The following PTPRN2 variants were observed in gnomAD, a reference collection of about 807,000 sequenced individuals.
The protein encoded by PTPRN2 is receptor-type tyrosine-protein phosphatase N2.
Under a neutral mutation model 118.8 loss-of-function variants are expected in PTPRN2, and 74 were observed. That is an observed-to-expected ratio of 0.62 (90% CI 0.52 to 0.76). PTPRN2 has a LOEUF of 0.76. Ranked by LOEUF, PTPRN2 falls within the 30% of genes least tolerant of loss-of-function variation. PTPRN2 has a pLI of 0.00. For synonymous variants in PTPRN2, 641 were observed against 608.0 expected (o/e 1.05, Z -0.80); for missense variants, 1,481 against 1,394.4 (o/e 1.06, Z -0.99).
intron 2 of PTPRN2, among the ~76,000 whole-genome samples, chr7:158,396,276 A>G (rs1173248704): frequency 1.3e-5 from 2 of 152,220 alleles, no homozygotes; most frequent in Admixed American, 1.3e-4. Flanking sequence ...GTTTAAAACA[A>G]TAAAAGTGTA....
At chr7:157,840,736 C>T (rs145494706) in intron 12 of PTPRN2, among the ~76,000 whole-genome samples, 106 of 152,374 alleles carry the variant, frequency 7.0e-4, no homozygotes, top group African/African-American at 2.1e-3. Flanking sequence ...GAGCCTCCAG[C>T]GTTTTCACCC....
At chr7:157,950,618 A>G (rs1800748997) in intron 11 of PTPRN2, among the ~76,000 whole-genome samples, 1 of 152,098 alleles carries the variant, frequency 6.6e-6, no homozygotes, top group Non-Finnish European at 1.5e-5. Context: ...TTCCTTTGTT[A>G]TTTGTGATTT....
intron 18 of PTPRN2, 152 bp downstream of exon 18, chr7:157,577,869 G>A (rs1294698061): frequency 1.4e-5 from 15 of 1,079,196 alleles, no homozygotes; most frequent in Non-Finnish European, 1.6e-5. Flanking sequence ...GGCCCTCGGG[G>A]GTGGCTCAGC....
intron 12 of PTPRN2, among the ~76,000 whole-genome samples, chr7:157,875,739 A>C: frequency 1.3e-5 from 2 of 148,896 alleles, no homozygotes; most frequent in African/African-American, 2.5e-5. Flanking sequence ...CCAGGGGGGC[A>C]CGGGGCTGCA....
At chr7:157,710,531 T>C (rs2150887267) in intron 12 of PTPRN2, among the ~76,000 whole-genome samples, 1 of 119,990 alleles carries the variant, frequency 8.3e-6, no homozygotes, top group Middle Eastern at 6.2e-3. Flanking sequence ...GAGAGTGACA[T>C]GGCTGCGGGG....
Position 157,617,713 on chromosome 7 carries a change from G to C in PTPRN2, c.2344+3649C>G, listed in dbSNP as rs1213866350. On this transcript the variant is annotated intron_variant, in intron 15 of 22. Transcript: ENST00000389418. This position sits in a 1 kb window ranked among gnomAD's most constrained non-coding sequence, Gnocchi z 7.5. ...GATGCCCACAGCCGCGCCTCTGGCT[G>C]TGAGGCAGCTGTGGTCCTCCAGCAG... The C allele has an allele frequency of 6.6e-6, 1 of 152,290 alleles. No homozygotes were observed. The highest frequency in any genetic ancestry group is 2.4e-5 in the African/African-American group (1 of 41,476). The allele number at this position is 152,290 out of a possible 1,614,324, so 9.4% of individuals were successfully genotyped here. A position where few individuals can be genotyped will look rare whatever the true frequency, so the allele number is the denominator to read the frequency against.
chr7:158,534,447 G>A (rs892129372), intron 1 of PTPRN2, among the ~76,000 whole-genome samples: 2 of 152,192 alleles, frequency 1.3e-5, no homozygotes, highest in African/African-American at 4.8e-5. Context: ...GTGGGTGCAG[G>A]TTGTGACCAC....
At chr7:158,076,774 C>G (rs1812392337) in intron 11 of PTPRN2, among the ~76,000 whole-genome samples, 1 of 152,192 alleles carries the variant, frequency 6.6e-6, no homozygotes, top group Non-Finnish European at 1.5e-5. Flanking sequence ...CCCTGCCCTG[C>G]CCTCCCCGAT....
chr7:158,232,362 G>A (rs748208346), intron 3 of PTPRN2, among the ~76,000 whole-genome samples: 4 of 151,796 alleles, frequency 2.6e-5, no homozygotes, highest in Admixed American at 2.6e-4. Flanking sequence ...AGAAGAAATA[G>A]GTACATTCCT....
intron 3 of PTPRN2, among the ~76,000 whole-genome samples, chr7:158,257,817 G>A (rs1362430453): frequency 2.6e-5 from 4 of 152,370 alleles, no homozygotes; most frequent in South Asian, 2.1e-4. Flanking sequence ...GGGTGAGCCC[G>A]CCTGCAGAGG....
At chr7:157,988,704 A>G (rs1365605170) in intron 11 of PTPRN2, among the ~76,000 whole-genome samples, 2 of 152,220 alleles carry the variant, frequency 1.3e-5, no homozygotes, top group African/African-American at 4.8e-5. Flanking sequence ...GACCCGGTCC[A>G]CAGGTCATGC....
chr7:157,597,300 C>A (rs1377277509), intron 16 of PTPRN2, among the ~76,000 whole-genome samples: 1 of 152,162 alleles, frequency 6.6e-6, no homozygotes, highest in Non-Finnish European at 1.5e-5. Flanking sequence ...AATTATGTTA[C>A]CGTCGCTGAA....
chr7:158,499,549 G>T (rs1320355113), intron 1 of PTPRN2, among the ~76,000 whole-genome samples: 1 of 152,132 alleles, frequency 6.6e-6, no homozygotes, highest in Non-Finnish European at 1.5e-5. Flanking sequence ...CAACACACTG[G>T]GAGGCCTAGA....
At chr7:157,760,816 C>T (rs948905875) in intron 12 of PTPRN2, among the ~76,000 whole-genome samples, 6 of 152,172 alleles carry the variant, frequency 3.9e-5, no homozygotes, top group African/African-American at 1.4e-4. Context: ...TGGGCTGAGA[C>T]AATGGGGTTT....
intron 4 of PTPRN2, among the ~76,000 whole-genome samples, chr7:158,201,455 T>C (rs1314480327): frequency 6.6e-6 from 1 of 152,194 alleles, no homozygotes; most frequent in Admixed American, 6.5e-5. Flanking sequence ...AATCAAAATA[T>C]TTAACTCTAA....
chr7:158,489,204 G>A (rs1821251327), intron 2 of PTPRN2, among the ~76,000 whole-genome samples: 1 of 152,188 alleles, frequency 6.6e-6, no homozygotes, highest in Admixed American at 6.5e-5. Flanking sequence ...CCAGCAGTTT[G>A]GGAGGCCGAG....
intron 11 of PTPRN2, among the ~76,000 whole-genome samples, chr7:157,915,777 G>A (rs1169875454): frequency 6.6e-6 from 1 of 152,082 alleles, no homozygotes; most frequent in Non-Finnish European, 1.5e-5. Context: ...CTTGGCTTGG[G>A]ATCTCCAATA....
At position 157,576,597 on chromosome 7, in the gene PTPRN2, G is replaced by A. The variant is rs931488561; in HGVS notation, c.2783+16C>T. 6.3e-7 allele frequency: 1 copy of A among 1,597,794 alleles called. No homozygotes were observed. The highest frequency in any genetic ancestry group is 8.5e-7 in the Non-Finnish European group (1 of 1,170,122). On this transcript the variant is annotated intron_variant, in intron 19 of 22. Transcript: ENST00000389418. ...GCTCAGCGCGCACTGCCCTGCCGGCGGGCCGCGCGTCATACCTGCGGAAGT... is the reference window on the plus strand; with the variant it reads ...GCTCAGCGCGCACTGCCCTGCCGGCAGGCCGCGCGTCATACCTGCGGAAGT...
At chr7:158,227,315 A>G (rs770592032) in intron 3 of PTPRN2, among the ~76,000 whole-genome samples, 25 of 152,310 alleles carry the variant, frequency 1.6e-4, no homozygotes, top group Non-Finnish European at 2.4e-4. Context: ...AGAGAGCTTC[A>G]AGGGTGAGAG....
Sources: gnomAD v4.1 joint callset for allele counts (sites outside exome capture counted in the v4.1 genomes callset) on GRCh38, gnomAD v4.1.1 for gene constraint, Gnocchi (gnomAD v3.1) non-coding constraint, MANE v1.5 for transcripts, NCBI Gene and HGNC (gene_info 2026-07-23, HGNC 2026-07-21) for gene names.